CADM2: variants seen among roughly 807,000 people sequenced by gnomAD.
The protein encoded by CADM2 is immunoglobulin superfamily member 4D.
Under a neutral mutation model 49.8 loss-of-function variants are expected in CADM2, and 12 were observed. The ratio of observed to expected loss-of-function variants is 0.24; its 90% CI spans 0.15 to 0.39. The LOEUF is 0.39. Among genes scored for constraint, CADM2 ranks in the 10% least tolerant of loss-of-function variants. CADM2 has a pLI of 1.00. For synonymous variants in CADM2, 214 were observed against 175.4 expected (o/e 1.22, Z -1.74); for missense variants, 378 against 492.3 (o/e 0.77, Z 2.20).
intron 7 of CADM2, among the ~76,000 whole-genome samples, chr3:85,948,068 G>C (rs7430825): frequency 6.6e-6 from 1 of 151,328 alleles, no homozygotes. Flanking sequence ...GCACTCTTTT[G>C]CTTATAGATT....
At chr3:85,251,174 T>A (rs541892030) in intron 1 of CADM2, among the ~76,000 whole-genome samples, 2 of 152,006 alleles carry the variant, frequency 1.3e-5, no homozygotes, top group Middle Eastern at 3.4e-3. Context: ...TTACAAAATA[T>A]AAGTGTCTGC....
chr3:85,751,051 C>T (rs1002173546), intron 2 of CADM2, among the ~76,000 whole-genome samples: 11 of 151,894 alleles, frequency 7.2e-5, no homozygotes, highest in African/African-American at 2.7e-4. Flanking sequence ...ACCCAGAAAT[C>T]TTGAAACTGG....
chr3:85,477,747 T>G (rs193048825), intron 1 of CADM2, among the ~76,000 whole-genome samples: 6 of 151,952 alleles, frequency 3.9e-5, no homozygotes, highest in African/African-American at 1.4e-4. Flanking sequence ...CCTCTCACCT[T>G]CTGTAGGGAT....
At chr3:85,224,832 T>C (rs1244566484) in intron 1 of CADM2, among the ~76,000 whole-genome samples, 2 of 152,200 alleles carry the variant, frequency 1.3e-5, no homozygotes, top group Non-Finnish European at 2.9e-5. Context: ...CTAGCCAGTT[T>C]TCCCAACACC....
At chr3:85,091,037 T>G (rs138421491) in intron 1 of CADM2, among the ~76,000 whole-genome samples, 1 of 152,304 alleles carries the variant, frequency 6.6e-6, no homozygotes, top group East Asian at 1.9e-4. Flanking sequence ...CTAGGGTTAT[T>G]GATAAAATGC....
At chr3:85,971,675 A>G (rs1380043804) in intron 8 of CADM2, among the ~76,000 whole-genome samples, 1 of 151,668 alleles carries the variant, frequency 6.6e-6, no homozygotes, top group East Asian at 2.0e-4. Flanking sequence ...ACAATATTGA[A>G]GTAGGCGGAG....
intron 1 of CADM2, among the ~76,000 whole-genome samples, chr3:85,624,110 C>A (rs553180094): frequency 7.9e-5 from 12 of 152,118 alleles, no homozygotes; most frequent in African/African-American, 2.9e-4. Flanking sequence ...AAACAGTAGG[C>A]TAATTAATTC....
intron 1 of CADM2, among the ~76,000 whole-genome samples, chr3:85,165,096 T>C (rs2040434197): frequency 6.6e-6 from 1 of 151,862 alleles, no homozygotes; most frequent in South Asian, 2.1e-4. Context: ...GATTTTAAGT[T>C]AATTTTTGGT....
At chr3:85,125,082 A>C (rs182572054) in intron 1 of CADM2, among the ~76,000 whole-genome samples, 1 of 152,330 alleles carries the variant, frequency 6.6e-6, no homozygotes, top group South Asian at 2.1e-4. Context: ...AGAGGGAAAC[A>C]TTAAGGCCAT....
intron 1 of CADM2, among the ~76,000 whole-genome samples, chr3:85,111,351 T>C (rs534662105): frequency 6.6e-6 from 1 of 151,998 alleles, no homozygotes; most frequent in African/African-American, 2.4e-5. Flanking sequence ...GTCAAGAGGT[T>C]ATATGGTTCA....
intron 8 of CADM2, among the ~76,000 whole-genome samples, chr3:86,011,441 A>G (rs1731497560): frequency 6.6e-6 from 1 of 152,162 alleles, no homozygotes. Context: ...ACTCCATTCA[A>G]GAAACAAAAC....
intron 8 of CADM2, among the ~76,000 whole-genome samples, chr3:86,036,055 C>T (rs1404043775): frequency 6.6e-6 from 1 of 152,030 alleles, no homozygotes; most frequent in Non-Finnish European, 1.5e-5. Flanking sequence ...ACCTAATTGC[C>T]TTTTAACAAT....
intron 7 of CADM2, among the ~76,000 whole-genome samples, chr3:85,960,709 T>C (rs1379580237): frequency 6.6e-6 from 1 of 151,810 alleles, no homozygotes; most frequent in East Asian, 1.9e-4. Context: ...ATGGTTCATT[T>C]ATCCTTCTTT....
rs1559617489 is a variant in CADM2, at chr3:85,014,219, C to CGCAGTGTAATAATGTATATT, written c.61+54551_61+54552insGCAGTGTAATAATGTATATT. Reference sequence around the variant, plus strand: ...ATATACGCAGTGTAATAATGTATATCATATATACGCAGTGTAATAATATTG... The same window carrying CGCAGTGTAATAATGTATATT: ...ATATACGCAGTGTAATAATGTATATCGCAGTGTAATAATGTATATTATATATACGCAGTGTAATAATATTG... On this transcript the variant is annotated intron_variant, in intron 1 of 9. Transcript: ENST00000383699. Among the ~76,000 whole-genome samples, 601 of 140,072 alleles carry CGCAGTGTAATAATGTATATT rather than the reference C, an allele frequency of 4.3e-3. 11 individuals are homozygous for CGCAGTGTAATAATGTATATT. The highest frequency in any genetic ancestry group is 0.015 in the African/African-American group (577 of 37,730). 91.9% of individuals were successfully genotyped at this position (140,072 alleles called of 152,430 possible). A position where few individuals can be genotyped will look rare whatever the true frequency, so the allele number is the denominator to read the frequency against.
chr3:85,062,049 GTCTC>G (rs953165411), intron 1 of CADM2, among the ~76,000 whole-genome samples: 6 of 150,860 alleles, frequency 4.0e-5, no homozygotes, highest in Admixed American at 1.3e-4. Context: ...CTCTCTCTCT[GTCTC>G]TCTCTCTGTC....
intron 1 of CADM2, among the ~76,000 whole-genome samples, chr3:85,130,925 G>A (rs890291472): frequency 2.6e-5 from 4 of 152,244 alleles, no homozygotes; most frequent in Admixed American, 2.6e-4. Flanking sequence ...GCTCAGGCCT[G>A]TAATCCCAGC....
intron 5 of CADM2, among the ~76,000 whole-genome samples, chr3:85,901,767 G>C (rs1411998295): frequency 6.6e-6 from 1 of 152,046 alleles, no homozygotes; most frequent in African/African-American, 2.4e-5. Flanking sequence ...GATTCTACAA[G>C]AAGCCTGTTA....
rs1479037092 is a variant in CADM2, at chr3:85,306,341, A to G, written c.61+346673A>G. Among the ~76,000 whole-genome samples, 4 of 151,742 alleles carry G rather than the reference A, an allele frequency of 2.6e-5. No homozygotes were observed. In the East Asian group the frequency reaches 7.7e-4, roughly 29 times the overall value. On this transcript the variant is annotated intron_variant, in intron 1 of 9. Coordinates refer to ENST00000383699, the MANE Select transcript of CADM2 (RefSeq NM_001167675.2). ...TGGTATGCATAAAGATGACTTCTCTATGGTCAGTAATCAAAAAACAAATTA... is the reference window on the plus strand; with the variant it reads ...TGGTATGCATAAAGATGACTTCTCTGTGGTCAGTAATCAAAAAACAAATTA...
chr3:85,748,859 A>G (rs2068741702), intron 2 of CADM2, among the ~76,000 whole-genome samples: 1 of 152,146 alleles, frequency 6.6e-6, no homozygotes, highest in South Asian at 2.1e-4. Context: ...GGATAAATGA[A>G]TTAATTATAA....
Sources: allele counts gnomAD v4.1 joint callset (sites outside exome capture counted in the v4.1 genomes callset), GRCh38; gene constraint gnomAD v4.1.1; transcripts MANE v1.5; gene names NCBI Gene and HGNC (gene_info 2026-07-23, HGNC 2026-07-21).